Variants in RPRD1B observed in about 807,000 individuals in gnomAD.
RPRD1B encodes regulation of nuclear pre-mRNA domain-containing protein 1B.
A neutral mutation model predicts 41.5 loss-of-function variants in RPRD1B; 11 were observed. The ratio of observed to expected loss-of-function variants is 0.27; its 90% CI spans 0.17 to 0.44. RPRD1B has a LOEUF of 0.44. Among genes scored for constraint, RPRD1B ranks in the 20% least tolerant of loss-of-function variants. The pLI, the probability that RPRD1B is intolerant of heterozygous loss-of-function variation, is 1.00. For missense variants in RPRD1B, 248 were observed against 389.9 expected (o/e 0.64, Z 3.06); for synonymous variants, 158 against 155.6 (o/e 1.02, Z -0.12).
At chr20:38,050,011 G>A (rs1243814185) in intron 3 of RPRD1B, among the ~76,000 whole-genome samples, 1 of 152,174 alleles carries the variant, frequency 6.6e-6, no homozygotes, top group Non-Finnish European at 1.5e-5. Context: ...CTTTCACTGT[G>A]TGATGAACTC....
chr20:38,080,454 G>T (rs1356863198), intron 6 of RPRD1B, among the ~76,000 whole-genome samples: 1 of 152,232 alleles, frequency 6.6e-6, no homozygotes, highest in Non-Finnish European at 1.5e-5. Context: ...ATTGAATAGA[G>T]AATACTTTCC....
At chr20:38,048,840 A>G (rs537345482) in intron 3 of RPRD1B, among the ~76,000 whole-genome samples, 7 of 152,358 alleles carry the variant, frequency 4.6e-5, no homozygotes, top group South Asian at 2.1e-4. Context: ...ATTAACTACA[A>G]TAGGACCTTG....
Position 38,057,544 on chromosome 20 carries a change from A to G in RPRD1B, c.428A>G (p.Lys143Arg), listed in dbSNP as rs749665130. The G allele has an allele frequency of 1.2e-6, 2 of 1,613,236 alleles. No homozygotes were observed. Among genetic ancestry groups the G allele is most frequent in the South Asian group, 1.1e-5 (1 of 91,058 alleles). The change falls in exon 4 of 7, where the codon AAG becomes AGG. Residue 143 changes from lysine (K) to arginine (R), a missense_variant. Physicochemically the swap from Lys to Arg is conservative, Grantham distance 26. Coordinates refer to ENST00000373433, the MANE Select transcript of RPRD1B (RefSeq NM_021215.4). Reference protein sequence around the residue: ...KSPPPKATEEKKSLKRTFQQI... With the variant: ...KSPPPKATEERKSLKRTFQQI... Reference sequence around the variant, plus strand: ...CTCTTTTGTCTAGCAACAGAAGAGAAGAAATCTCTGAAACGAACTTTTCAG... The same window carrying G: ...CTCTTTTGTCTAGCAACAGAAGAGAGGAAATCTCTGAAACGAACTTTTCAG...
intron 6 of RPRD1B, among the ~76,000 whole-genome samples, chr20:38,072,736 A>G (rs1475347847): frequency 6.6e-6 from 1 of 152,152 alleles, no homozygotes; most frequent in African/African-American, 2.4e-5. Context: ...GATGCATTTG[A>G]TATTATAAAG....
rs181547206 is a variant in RPRD1B at position 38,062,890 on chromosome 20, A to G, written c.656-3191A>G. ...TCATTCTGTCACCCAGGCTGGAGTC[A>G]GTGGCATGATCTTAGCTCATTGTAA... On this transcript the variant is annotated intron_variant, in intron 5 of 6. Coordinates refer to ENST00000373433, the MANE Select transcript of RPRD1B (RefSeq NM_021215.4). Among the ~76,000 whole-genome samples, 6 of 125,432 alleles carry G rather than the reference A, an allele frequency of 4.8e-5. No homozygotes were observed. The East Asian group carries it at 1.5e-3, about 31-fold the overall frequency. 82.3% of individuals were successfully genotyped at this position (125,432 alleles called of 152,430 possible).
At chr20:38,051,214 AT>A (rs1421920408) in intron 3 of RPRD1B, among the ~76,000 whole-genome samples, 4 of 152,208 alleles carry the variant, frequency 2.6e-5, no homozygotes, top group Non-Finnish European at 5.9e-5. Flanking sequence ...TACCCTATAA[AT>A]ATATACAATT....
At chr20:38,053,850 T>G (rs1361278706) in intron 3 of RPRD1B, among the ~76,000 whole-genome samples, 1 of 152,236 alleles carries the variant, frequency 6.6e-6, no homozygotes. Flanking sequence ...TACTATAATC[T>G]AGACACAAAG....
chr20:38,066,757 G>A (rs893022258), intron 6 of RPRD1B, among the ~76,000 whole-genome samples: 2 of 152,032 alleles, frequency 1.3e-5, no homozygotes, highest in East Asian at 3.9e-4. Flanking sequence ...CCAGGTTCAC[G>A]CCATTCTCCT....
chr20:38,045,971 C>T (rs1447825627), intron 2 of RPRD1B, among the ~76,000 whole-genome samples: 1 of 152,216 alleles, frequency 6.6e-6, no homozygotes, highest in East Asian at 1.9e-4. Context: ...TTGAATTCCA[C>T]CCTCCTTCCA....
At chr20:38,057,080 A>C (rs1240150650) in intron 3 of RPRD1B, among the ~76,000 whole-genome samples, 5 of 152,210 alleles carry the variant, frequency 3.3e-5, no homozygotes, top group African/African-American at 1.2e-4. Context: ...TTAGGGGAAT[A>C]GTGTAAAGAA....
rs141428852 is a variant in RPRD1B, at chr20:38,064,370, G to A, written c.656-1711G>A. 5.3e-4 allele frequency among the ~76,000 whole-genome samples: 81 copies of A among 152,254 alleles called. 1 individual carries two copies. The East Asian group carries it at 0.015, about 28-fold the overall frequency. On this transcript the variant is annotated intron_variant, in intron 5 of 6. Coordinates refer to ENST00000373433, the MANE Select transcript of RPRD1B (RefSeq NM_021215.4). Reference sequence around the variant, plus strand: ...GGCTGTTTGCCAGAGATACTGTGTTGGGGATTCTTAAATCCTAGTTCCCCA... The same window carrying A: ...GGCTGTTTGCCAGAGATACTGTGTTAGGGATTCTTAAATCCTAGTTCCCCA...
intron 2 of RPRD1B, among the ~76,000 whole-genome samples, chr20:38,047,442 A>C (rs896384784): frequency 1.4e-4 from 22 of 152,190 alleles, no homozygotes; most frequent in Non-Finnish European, 2.9e-4. Flanking sequence ...ATTAAAAGCC[A>C]TTTAACTTAG....
At chr20:38,053,993 A>G (rs1243469254) in intron 3 of RPRD1B, among the ~76,000 whole-genome samples, 1 of 152,206 alleles carries the variant, frequency 6.6e-6, no homozygotes, top group East Asian at 1.9e-4. Context: ...GGACAACTGT[A>G]TAGTCTAACT....
At chr20:38,077,069 C>T (rs2074469451) in intron 6 of RPRD1B, among the ~76,000 whole-genome samples, 1 of 151,658 alleles carries the variant, frequency 6.6e-6, no homozygotes, top group African/African-American at 2.4e-5. Flanking sequence ...AGGCACCCAC[C>T]ACCACACCCA....
At chr20:38,073,293 C>CCCCT (rs1262112625) in intron 6 of RPRD1B, among the ~76,000 whole-genome samples, 3 of 152,156 alleles carry the variant, frequency 2.0e-5, no homozygotes, top group Non-Finnish European at 4.4e-5. Context: ...CCTCGCTGTA[C>CCCCT]CCCTGCTCAC....
chr20:38,070,951 C>T (rs750123582), intron 6 of RPRD1B, among the ~76,000 whole-genome samples: 1 of 152,078 alleles, frequency 6.6e-6, no homozygotes. Context: ...AGGCTGGTCT[C>T]GAACTCCTGA....
rs774303422 is a variant in RPRD1B, at chr20:38,091,464, T to C, written c.*1589T>C. Reference sequence around the variant, plus strand: ...GAACCTAGTAGTGTTTGAGCTGTTATTCAGATTTGAATTCAGACTGTGTGT... The same window carrying C: ...GAACCTAGTAGTGTTTGAGCTGTTACTCAGATTTGAATTCAGACTGTGTGT... On this transcript the variant is annotated 3_prime_UTR_variant, in exon 7 of 7. Transcript: ENST00000373433. The C allele has an allele frequency of 4.3e-5, 42 of 985,262 alleles. No individual in the cohort carries two copies. Among genetic ancestry groups the C allele is most frequent in the Non-Finnish European group, 4.9e-5 (41 of 829,928 alleles). 61.0% of individuals were successfully genotyped at this position (985,262 alleles called of 1,614,324 possible). A position where few individuals can be genotyped will look rare whatever the true frequency, so the allele number is the denominator to read the frequency against.
At chr20:38,050,564 AT>A (rs2122710646) in intron 3 of RPRD1B, among the ~76,000 whole-genome samples, 1 of 152,328 alleles carries the variant, frequency 6.6e-6, no homozygotes, top group South Asian at 2.1e-4. Flanking sequence ...CTAATGTTGA[AT>A]TTCAATTTAA....
At position 38,091,946 on chromosome 20, in the gene RPRD1B, TC is replaced by T. The variant is rs2074615291; in HGVS notation, c.*2073del. 3.0e-6 allele frequency: 3 copies of T among 985,904 alleles called. No individual in the cohort carries two copies. The highest frequency in any genetic ancestry group is 3.6e-6 in the Non-Finnish European group (3 of 829,932). The allele number at this position is 985,904 out of a possible 1,614,324, so 61.1% of individuals were successfully genotyped here. On this transcript the variant is annotated 3_prime_UTR_variant, in exon 7 of 7. Transcript: ENST00000373433. ...TCTTAATACCTGTTACTAGTGGACT[TC>T]CTGTGAGGAAGTTAGTTTTTTGTTT...
Sources: gnomAD v4.1 joint callset for allele counts (sites outside exome capture counted in the v4.1 genomes callset) on GRCh38, gnomAD v4.1.1 for gene constraint, MANE v1.5 for transcripts, NCBI Gene and HGNC (gene_info 2026-07-23, HGNC 2026-07-21) for gene names.